Variants in LRRC4C observed in about 807,000 individuals in gnomAD.
The protein encoded by LRRC4C is leucine rich repeat containing 4C.
In LRRC4C, 5 loss-of-function variants were observed where a neutral mutation model predicts 33.6. The observed-to-expected ratio is 0.15, with a 90% CI of 0.08 to 0.31. The LOEUF is 0.31. LRRC4C is among the 10% of genes least tolerant of loss of function. LRRC4C has a pLI of 1.00. For synonymous variants in LRRC4C, 329 were observed against 302.0 expected (o/e 1.09, Z -0.93); for missense variants, 560 against 796.7 (o/e 0.70, Z 3.58).
intron 3 of LRRC4C, among the ~76,000 whole-genome samples, chr11:40,338,781 T>C (rs551524957): frequency 4.7e-4 from 71 of 152,324 alleles, no homozygotes; most frequent in African/African-American, 1.7e-3. Context: ...TATTGAGAGT[T>C]ATCTTCATTA....
Position 40,159,592 on chromosome 11 carries a change from T to C in LRRC4C, c.-95-18739A>G, listed in dbSNP as rs536742956. Among the ~76,000 whole-genome samples, 10 of 152,330 alleles carry C rather than the reference T, an allele frequency of 6.6e-5. No homozygotes were observed. The East Asian group carries it at 1.7e-3, about 26-fold the overall frequency. ...TGAAAATCCCATTGCATAGTATTCA[T>C]AGTTCTCCAGATGTGCTTATGCATA... On this transcript the variant is annotated intron_variant, in intron 5 of 6. Coordinates refer to ENST00000528697, the MANE Select transcript of LRRC4C (RefSeq NM_001258419.2).
chr11:41,457,783 C>T (rs1423354547), intron 1 of LRRC4C, among the ~76,000 whole-genome samples: 6 of 151,990 alleles, frequency 3.9e-5, no homozygotes, highest in Non-Finnish European at 8.8e-5. Context: ...AAGAGCTCTG[C>T]CTGGAGTACC....
At chr11:40,554,803 G>A (rs1375350588) in intron 3 of LRRC4C, among the ~76,000 whole-genome samples, 2 of 135,546 alleles carry the variant, frequency 1.5e-5, no homozygotes, top group Non-Finnish European at 3.0e-5. Context: ...CTCACTGCAA[G>A]CTCCGCCTCC....
chr11:40,589,224 T>C (rs1433329155), intron 3 of LRRC4C, among the ~76,000 whole-genome samples: 7 of 152,170 alleles, frequency 4.6e-5, no homozygotes, highest in Non-Finnish European at 8.8e-5. Context: ...CCCTTTACCA[T>C]TATGTAATGG....
intron 1 of LRRC4C, among the ~76,000 whole-genome samples, chr11:41,016,088 G>T (rs982617177): frequency 2.6e-5 from 4 of 151,990 alleles, no homozygotes; most frequent in Admixed American, 2.6e-4. Flanking sequence ...AAGGAGGAAA[G>T]CAGTAAATGG....
chr11:40,489,890 C>T (rs1204736650), intron 3 of LRRC4C, among the ~76,000 whole-genome samples: 1 of 152,126 alleles, frequency 6.6e-6, no homozygotes, highest in Non-Finnish European at 1.5e-5. Flanking sequence ...ATTCATTTAA[C>T]ATACATTTAT....
At chr11:40,344,508 A>C (rs12805321) in intron 3 of LRRC4C, among the ~76,000 whole-genome samples, 24,460 of 152,098 alleles carry the variant, frequency 0.16, 2,304 homozygotes, top group East Asian at 0.3. Flanking sequence ...ATACTCCAAA[A>C]TAATAAGAGC....
In LRRC4C at chr11:40,131,052, G is replaced by A. The variant is rs375773438; in HGVS notation, c.-43+9749C>T. On this transcript the variant is annotated intron_variant, in intron 6 of 6. Transcript: ENST00000528697. ...TTTGCATGTAAATGTTTGGGAATGT[G>A]TTCAACCTATTTCTTCATAAGTTTT... 5.1e-4 allele frequency among the ~76,000 whole-genome samples: 78 copies of A among 152,272 alleles called. 2 individuals carry two copies. In the South Asian group the frequency reaches 0.016, roughly 31 times the overall value.
intron 2 of LRRC4C, among the ~76,000 whole-genome samples, chr11:40,704,213 T>C (rs1296075827): frequency 6.6e-6 from 1 of 152,200 alleles, no homozygotes; most frequent in Non-Finnish European, 1.5e-5. Context: ...ATGCAAATAC[T>C]ACATCATTTT....
chr11:41,448,304 C>CTTT (rs35728528), intron 1 of LRRC4C, among the ~76,000 whole-genome samples: 17 of 104,936 alleles, frequency 1.6e-4, no homozygotes, highest in African/African-American at 4.1e-4. Context: ...TTACATAGAG[C>CTTT]TTTTTTTTTT....
chr11:41,377,284 G>A (rs574948154), intron 1 of LRRC4C, among the ~76,000 whole-genome samples: 6 of 152,016 alleles, frequency 3.9e-5, no homozygotes, highest in Non-Finnish European at 7.4e-5. Context: ...AATTGATAAC[G>A]AGATATACAA....
intron 1 of LRRC4C, among the ~76,000 whole-genome samples, chr11:41,195,860 C>G (rs1049792132): frequency 2.0e-5 from 3 of 152,010 alleles, no homozygotes; most frequent in African/African-American, 7.2e-5. Context: ...GTCTCATTTG[C>G]AGATGCAAAG....
intron 1 of LRRC4C, among the ~76,000 whole-genome samples, chr11:41,153,969 G>A (rs1944113431): frequency 6.6e-6 from 1 of 152,080 alleles, no homozygotes; most frequent in East Asian, 1.9e-4. Flanking sequence ...AGGGGGATGT[G>A]GCCACAAGTC....
At chr11:40,966,901 TC>T (rs1002297745) in intron 1 of LRRC4C, among the ~76,000 whole-genome samples, 21 of 152,148 alleles carry the variant, frequency 1.4e-4, no homozygotes, top group African/African-American at 5.1e-4. Flanking sequence ...GTCATGCTTT[TC>T]AAAATGTTCA....
intron 3 of LRRC4C, among the ~76,000 whole-genome samples, chr11:40,592,016 T>C (rs1450096246): frequency 6.6e-6 from 1 of 151,132 alleles, no homozygotes; most frequent in East Asian, 1.9e-4. Flanking sequence ...AGCTGCCCAA[T>C]TCATGAATCA....
At chr11:40,500,853 T>A (rs1308144190) in intron 3 of LRRC4C, among the ~76,000 whole-genome samples, 2 of 152,076 alleles carry the variant, frequency 1.3e-5, no homozygotes, top group African/African-American at 4.8e-5. Context: ...AAGTCTTAAT[T>A]CACCTCAGCA....
intron 1 of LRRC4C, among the ~76,000 whole-genome samples, chr11:41,276,536 A>T (rs577240485): frequency 1.8e-4 from 28 of 152,312 alleles, no homozygotes; most frequent in African/African-American, 6.0e-4. Flanking sequence ...TCATTTAATT[A>T]TGTAACTATC....
At chr11:41,117,671 G>A (rs762616973) in intron 1 of LRRC4C, among the ~76,000 whole-genome samples, 7 of 152,026 alleles carry the variant, frequency 4.6e-5, no homozygotes, top group South Asian at 2.1e-4. Flanking sequence ...GTAGGATATC[G>A]TGTTGTGACA....
At chr11:40,451,845 A>G (rs1308890053) in intron 3 of LRRC4C, among the ~76,000 whole-genome samples, 2 of 152,302 alleles carry the variant, frequency 1.3e-5, no homozygotes, top group East Asian at 3.9e-4. Flanking sequence ...ACTCCAGTCT[A>G]TAGCTCCCAG....
Sources: allele counts gnomAD v4.1 joint callset (sites outside exome capture counted in the v4.1 genomes callset), GRCh38; gene constraint gnomAD v4.1.1; transcripts MANE v1.5; gene names NCBI Gene and HGNC (gene_info 2026-07-23, HGNC 2026-07-21).